The following KIAA0513 variants were observed in gnomAD, a reference collection of about 807,000 sequenced individuals.
KIAA0513 encodes the protein KIAA0513.
A neutral mutation model predicts 56.5 loss-of-function variants in KIAA0513; 39 were observed. The observed-to-expected ratio is 0.69, with a 90% CI of 0.53 to 0.90. KIAA0513 has a LOEUF of 0.90. KIAA0513 is among the 40% of genes least tolerant of loss of function. The pLI, the probability that KIAA0513 is intolerant of heterozygous loss-of-function variation, is 0.00. For synonymous variants in KIAA0513, 268 were observed against 215.6 expected, an observed-to-expected ratio of 1.24 and a Z score of -2.13; for missense variants, 591 against 535.2, an observed-to-expected ratio of 1.10 and a Z score of -1.03.
rs191211875 is a variant in KIAA0513, at chr16:85,034,965, G to A, written c.-173+7107G>A. 2.0e-5 allele frequency among the ~76,000 whole-genome samples: 3 copies of A among 152,228 alleles called. 1 individual carries two copies. Among genetic ancestry groups the A allele is most frequent in the Admixed American group, 1.3e-4 (2 of 15,294 alleles). The stretch of plus-strand genomic sequence containing the variant: ...GTCACCTTTGAGACCCCCTGTCACC[G>A]GAGACAAGTGCTCTGCAGGGCGCTG... On this transcript the variant is annotated intron_variant, in intron 1 of 12. Coordinates refer to ENST00000683363, the MANE Select transcript of KIAA0513 (RefSeq NM_001388359.1).
chr16:85,068,687 G>A (rs984199392), intron 2 of KIAA0513, among the ~76,000 whole-genome samples: 2 of 151,982 alleles, frequency 1.3e-5, no homozygotes, highest in Non-Finnish European at 2.9e-5. Flanking sequence ...GGCTGGTCTC[G>A]AACTCCTGAC....
chr16:85,074,223 C>G lies in KIAA0513; in HGVS notation c.503+1225C>G, dbSNP rs543159542. ...CTCCTGACCTCAAGTGATTCACTTG[C>G]TTCAGCCTCCCAAAGTGCTGGGATT... On this transcript the variant is annotated intron_variant, in intron 4 of 12. Transcript: ENST00000683363. Among the ~76,000 whole-genome samples, 47 of 152,058 alleles carry G rather than the reference C, an allele frequency of 3.1e-4. No homozygotes were observed. The East Asian group carries it at 6.8e-3, about 22-fold the overall frequency.
At chr16:85,037,200 C>G (rs1464571262) in intron 1 of KIAA0513, among the ~76,000 whole-genome samples, 1 of 151,962 alleles carries the variant, frequency 6.6e-6, no homozygotes, top group African/African-American at 2.4e-5. Flanking sequence ...ATTTTCCTGG[C>G]CTTTACATCA....
chr16:85,058,616 C>T (rs1462274579), intron 1 of KIAA0513, among the ~76,000 whole-genome samples: 5 of 150,160 alleles, frequency 3.3e-5, no homozygotes, highest in African/African-American at 7.4e-5. Flanking sequence ...TGCTCCACTG[C>T]GCTCCAGCCT....
intron 1 of KIAA0513, among the ~76,000 whole-genome samples, chr16:85,047,774 G>T (rs2073191929): frequency 6.6e-6 from 1 of 152,170 alleles, no homozygotes; most frequent in African/African-American, 2.4e-5. Context: ...GCACACTCTT[G>T]CTCGCCTCTG....
At chr16:85,039,622 G>A (rs888454012) in intron 1 of KIAA0513, among the ~76,000 whole-genome samples, 4 of 152,242 alleles carry the variant, frequency 2.6e-5, no homozygotes, top group African/African-American at 7.2e-5. Flanking sequence ...ACAGACATAC[G>A]TCACCATGCC....
intron 7 of KIAA0513, 45 bp from the exon 8 acceptor site, chr16:85,078,880 G>A: frequency 1.9e-6 from 3 of 1,607,864 alleles, no homozygotes; most frequent in Non-Finnish European, 2.6e-6. Flanking sequence ...CCAACAGTGG[G>A]TGCGCAACCA....
At position 85,091,960 on chromosome 16, in the gene KIAA0513, T is replaced by TA. The variant is rs2073872900; in HGVS notation, c.*3636dup. On this transcript the variant is annotated 3_prime_UTR_variant, in exon 13 of 13. Coordinates refer to ENST00000683363, the MANE Select transcript of KIAA0513 (RefSeq NM_001388359.1). ...GGCATTTTTTTTTTTTTTTTTTTTT[T>TA]AGACGGAGTTTTGCTCTTGTTGCCC... 1 of 122,836 alleles carries TA rather than the reference T, an allele frequency of 8.1e-6. No individual in the cohort carries two copies. The highest frequency in any genetic ancestry group is 8.7e-5 in the Admixed American group (1 of 11,480). 7.6% of individuals were successfully genotyped at this position (122,836 alleles called of 1,614,324 possible). A position where few individuals can be genotyped will look rare whatever the true frequency, so the allele number is the denominator to read the frequency against.
chr16:85,045,572 TC>T (rs890073027), intron 1 of KIAA0513, among the ~76,000 whole-genome samples: 6 of 152,160 alleles, frequency 3.9e-5, no homozygotes, highest in Non-Finnish European at 7.4e-5. Context: ...GCCAGACTGG[TC>T]TCGAACTCCT....
At chr16:85,038,562 G>A (rs1437248715) in intron 1 of KIAA0513, among the ~76,000 whole-genome samples, 1 of 151,926 alleles carries the variant, frequency 6.6e-6, no homozygotes, top group Non-Finnish European at 1.5e-5. Flanking sequence ...CAAAAAGATA[G>A]CTGGGCGTGG....
At chr16:85,070,350 C>T (rs530745595) in intron 2 of KIAA0513, among the ~76,000 whole-genome samples, 4 of 152,038 alleles carry the variant, frequency 2.6e-5, no homozygotes, top group South Asian at 2.1e-4. Flanking sequence ...AAAAGAGAAC[C>T]GTTATATGAT....
rs1363386028 is a variant in KIAA0513, at chr16:85,090,320, C to A, written c.*1995C>A. On this transcript the variant is annotated 3_prime_UTR_variant, in exon 13 of 13. Coordinates refer to ENST00000683363, the MANE Select transcript of KIAA0513 (RefSeq NM_001388359.1). ...CTCCCTTCAGCCGCCTCGTCGTCAG[C>A]GTTCTTAGTCATGCATTATTCGTGT... 1 of 152,202 alleles carries A rather than the reference C, an allele frequency of 6.6e-6. No homozygotes were observed. The highest frequency in any genetic ancestry group is 1.5e-5 in the Non-Finnish European group (1 of 68,050). 9.4% of individuals were successfully genotyped at this position (152,202 alleles called of 1,614,324 possible). A position where few individuals can be genotyped will look rare whatever the true frequency, so the allele number is the denominator to read the frequency against.
At chr16:85,050,107 G>A (rs1049957581) in intron 1 of KIAA0513, among the ~76,000 whole-genome samples, 1 of 151,862 alleles carries the variant, frequency 6.6e-6, no homozygotes, top group Non-Finnish European at 1.5e-5. Context: ...AATGGTGATC[G>A]CTGATGGTAA....
At position 85,093,385 on chromosome 16, in the gene KIAA0513, A is replaced by T. The variant is rs536838493; in HGVS notation, c.*5060A>T. ...TACACCCCTCCTGCAGGACAGTACGATTTGGGGAGAACCCAGCTCCCCACT... is the reference window on the plus strand; with the variant it reads ...TACACCCCTCCTGCAGGACAGTACGTTTTGGGGAGAACCCAGCTCCCCACT... On this transcript the variant is annotated 3_prime_UTR_variant, in exon 13 of 13. Transcript: ENST00000683363. The T allele has an allele frequency of 4.6e-5, 7 of 152,572 alleles. No homozygotes were observed. The highest frequency in any genetic ancestry group is 1.7e-4 in the African/African-American group (7 of 41,558). 9.5% of individuals were successfully genotyped at this position (152,572 alleles called of 1,614,324 possible). A position where few individuals can be genotyped will look rare whatever the true frequency, so the allele number is the denominator to read the frequency against.
At chr16:85,080,860 C>G (rs569086551) in intron 8 of KIAA0513, among the ~76,000 whole-genome samples, 3 of 152,198 alleles carry the variant, frequency 2.0e-5, no homozygotes, top group Admixed American at 1.3e-4. Flanking sequence ...AACGTTAGTT[C>G]GCTCAGCACA....
intron 1 of KIAA0513, among the ~76,000 whole-genome samples, chr16:85,034,738 T>C: frequency 6.6e-6 from 1 of 152,204 alleles, no homozygotes; most frequent in East Asian, 1.9e-4. Context: ...GCTGTCACTT[T>C]AGCCCTCACC....
At chr16:85,053,155 C>T (rs2073278603) in intron 1 of KIAA0513, among the ~76,000 whole-genome samples, 1 of 152,212 alleles carries the variant, frequency 6.6e-6, no homozygotes, top group Non-Finnish European at 1.5e-5. Flanking sequence ...TCCCAAAGTG[C>T]TGGGATTACA....
At chr16:85,048,628 C>T (rs2073204645) in intron 1 of KIAA0513, among the ~76,000 whole-genome samples, 1 of 152,170 alleles carries the variant, frequency 6.6e-6, no homozygotes, top group African/African-American at 2.4e-5. Flanking sequence ...CCTGTAATCC[C>T]AGCACTTTGG....
chr16:85,082,092 C>A (rs762420077), intron 9 of KIAA0513, among the ~76,000 whole-genome samples: 2 of 152,250 alleles, frequency 1.3e-5, no homozygotes, highest in African/African-American at 4.8e-5. Context: ...ACTGGGGAGA[C>A]CCTCTACCCT....
Sources: allele counts gnomAD v4.1 joint callset (sites outside exome capture counted in the v4.1 genomes callset), GRCh38; gene constraint gnomAD v4.1.1; transcripts MANE v1.5; gene names NCBI Gene and HGNC (gene_info 2026-07-23, HGNC 2026-07-21).